Variants in TGFBR3 observed in about 807,000 individuals in gnomAD.
TGFBR3 encodes transforming growth factor beta receptor type 3.
Under a neutral mutation model 87.9 loss-of-function variants are expected in TGFBR3, and 46 were observed. The observed-to-expected ratio is 0.52, with a 90% CI of 0.41 to 0.67. TGFBR3 has a LOEUF of 0.67. Ranked by LOEUF, TGFBR3 falls within the 30% of genes least tolerant of loss-of-function variation. TGFBR3 has a pLI of 0.00. For missense variants in TGFBR3, 866 were observed against 1,041.9 expected, an observed-to-expected ratio of 0.83 and a Z score of 2.32; for synonymous variants, 381 against 391.6, an observed-to-expected ratio of 0.97 and a Z score of 0.32.
chr1:91,727,867 C>T, intron 6 of TGFBR3, 61 bp from the exon 7 acceptor site: 1 of 1,588,798 alleles, frequency 6.3e-7, no homozygotes, highest in Non-Finnish European at 8.6e-7. Context: ...CAACTATCTC[C>T]CCTCTTCCAA....
intron 3 of TGFBR3, among the ~76,000 whole-genome samples, chr1:91,771,807 C>T (rs183227716): frequency 1.3e-5 from 2 of 151,860 alleles, no homozygotes; most frequent in East Asian, 3.9e-4. Flanking sequence ...GGAAGCACCA[C>T]TAAGTAATGA....
rs774361383 is a variant in TGFBR3, at chr1:91,719,345, C to T, written c.1533G>A (p.Trp511Ter). The change falls in exon 10 of 17, where the codon TGG (tryptophan) becomes TGA (stop). Residue 511 changes from tryptophan to a stop codon, truncating the protein, a stop_gained. Transcript: ENST00000212355. LOFTEE classifies it high-confidence loss of function. The part of the protein sequence containing the change: ...PLNGCGTRPR[W>*]SALDGVVYYN... ...AGTAGACCACACCATCAAGGGCTGA[C>T]CACCGGGGCCGAGTACCGCAGCCAT... 1.2e-6 allele frequency: 2 copies of T among 1,614,052 alleles called. No individual in the cohort carries two copies. Among genetic ancestry groups the T allele is most frequent in the Non-Finnish European group, 1.7e-6 (2 of 1,180,040 alleles).
chr1:91,885,850 A>G (rs2101313248), intron 1 of TGFBR3, 28 bp downstream of exon 1: 1 of 324,502 alleles, frequency 3.1e-6, no homozygotes, highest in Non-Finnish European at 6.0e-6. Context: ...GGCGGGCTGC[A>G]GCGCCGCGGG....
At chr1:91,759,632 A>G (rs765677769) in intron 3 of TGFBR3, among the ~76,000 whole-genome samples, 2 of 152,228 alleles carry the variant, frequency 1.3e-5, no homozygotes, top group African/African-American at 2.4e-5. Flanking sequence ...AGATACTTTC[A>G]TACAGTCTGT....
intron 14 of TGFBR3, among the ~76,000 whole-genome samples, chr1:91,702,283 A>T (rs541415409): frequency 1.3e-5 from 2 of 152,314 alleles, no homozygotes; most frequent in South Asian, 4.1e-4. Context: ...CACAAATATC[A>T]CGTATATTTT....
intron 3 of TGFBR3, among the ~76,000 whole-genome samples, chr1:91,764,628 G>A (rs1256371446): frequency 1.3e-5 from 2 of 152,144 alleles, no homozygotes; most frequent in African/African-American, 2.4e-5. Flanking sequence ...TGGGTGGTTC[G>A]GGTGGAGGAA....
At chr1:91,770,357 T>A (rs284190) in intron 3 of TGFBR3, among the ~76,000 whole-genome samples, 62,987 of 151,940 alleles carry the variant, frequency 0.41, 13,821 homozygotes, top group African/African-American at 0.54. Context: ...TAAACACCAA[T>A]TGAAAAAAAT....
chr1:91,902,434 A>C (rs570903994), intron 1 of TGFBR3, among the ~76,000 whole-genome samples: 1 of 151,978 alleles, frequency 6.6e-6, no homozygotes, highest in Non-Finnish European at 1.5e-5. Flanking sequence ...TACAAACACA[A>C]ACACACCTGG....
chr1:91,826,915 G>A (rs901916), intron 2 of TGFBR3, among the ~76,000 whole-genome samples: 1,757 of 152,130 alleles, frequency 0.012, 33 homozygotes, highest in African/African-American at 0.041. Context: ...ACGGAAAAGC[G>A]ATGAACAGAG....
At chr1:91,802,030 A>C (rs937666626) in intron 2 of TGFBR3, among the ~76,000 whole-genome samples, 1 of 152,230 alleles carries the variant, frequency 6.6e-6, no homozygotes, top group Admixed American at 6.5e-5. Context: ...TTAAACTCTA[A>C]GTATGGGGTA....
chr1:91,772,335 A>AAACCCATTTTTGTTTAGG (rs1553165993), intron 3 of TGFBR3, among the ~76,000 whole-genome samples: 130 of 151,486 alleles, frequency 8.6e-4, no homozygotes, highest in Non-Finnish European at 1.4e-3. Context: ...AACAATTTTA[A>AAACCCATTTTTGTTTAGG]ATCCCATTTT....
Position 91,719,377 on chromosome 1 carries a change from G to C in TGFBR3, c.1501C>G (p.Pro501Ala). 1.2e-6 allele frequency: 2 copies of C among 1,614,166 alleles called. No individual in the cohort carries two copies. The highest frequency in any genetic ancestry group is 2.2e-5 in the South Asian group (2 of 91,082). The change falls in exon 10 of 17, where the codon CCT (proline) becomes GCT (alanine). Residue 501 changes from proline (P) to alanine (A), a missense_variant. By Grantham distance (27) the Pro-to-Ala change is conservative. Coordinates refer to ENST00000212355, the MANE Select transcript of TGFBR3 (RefSeq NM_003243.5). The part of the protein sequence containing the change: ...MNGTHFVLES[P>A]LNGCGTRPRW... Reference sequence around the variant, plus strand: ...GGCCGAGTACCGCAGCCATTCAGAGGAGACTCCAAAACAAAGTGTGTGCCA... The same window carrying C: ...GGCCGAGTACCGCAGCCATTCAGAGCAGACTCCAAAACAAAGTGTGTGCCA...
At chr1:91,843,647 C>T (rs1161855808) in intron 2 of TGFBR3, among the ~76,000 whole-genome samples, 3 of 152,134 alleles carry the variant, frequency 2.0e-5, no homozygotes, top group African/African-American at 7.2e-5. Flanking sequence ...CACAAGAACA[C>T]AACTGAGACA....
intron 2 of TGFBR3, among the ~76,000 whole-genome samples, chr1:91,891,252 C>G (rs368087351): frequency 6.6e-6 from 1 of 151,210 alleles, no homozygotes; most frequent in Non-Finnish European, 1.5e-5. Flanking sequence ...CCTGTAATCC[C>G]AGTACTTGGG....
chr1:91,874,423 A>G (rs1456070236), intron 1 of TGFBR3, among the ~76,000 whole-genome samples: 1 of 152,130 alleles, frequency 6.6e-6, no homozygotes, highest in East Asian at 1.9e-4. Flanking sequence ...CCAGCATAAG[A>G]GTGGTGGGCT....
At chr1:91,881,132 C>G (rs1284086994) in intron 1 of TGFBR3, among the ~76,000 whole-genome samples, 1 of 152,136 alleles carries the variant, frequency 6.6e-6, no homozygotes, top group African/African-American at 2.4e-5. Flanking sequence ...TAAACTCTAA[C>G]TGTTCTGTCT....
chr1:91,770,003 T>A (rs995805111), intron 3 of TGFBR3, among the ~76,000 whole-genome samples: 3 of 152,176 alleles, frequency 2.0e-5, no homozygotes, highest in Non-Finnish European at 4.4e-5. Flanking sequence ...TTCAAGACAC[T>A]GAGTCTCAGC....
chr1:91,826,711 T>C (rs1312874963), intron 2 of TGFBR3, among the ~76,000 whole-genome samples: 1 of 144,692 alleles, frequency 6.9e-6, no homozygotes, highest in African/African-American at 2.6e-5. Flanking sequence ...TTAAATAAAA[T>C]TAGTCATATT....
intron 3 of TGFBR3, among the ~76,000 whole-genome samples, chr1:91,774,282 C>T (rs573715782): frequency 3.3e-5 from 5 of 152,122 alleles, no homozygotes; most frequent in African/African-American, 1.2e-4. Flanking sequence ...GGAGTACAGA[C>T]GTGCGCCACC....
Sources: gnomAD v4.1 joint callset for allele counts (sites outside exome capture counted in the v4.1 genomes callset) on GRCh38, gnomAD v4.1.1 for gene constraint, MANE v1.5 for transcripts, NCBI Gene and HGNC (gene_info 2026-07-23, HGNC 2026-07-21) for gene names.